ATP23: variants seen among roughly 807,000 people sequenced by gnomAD.
The protein encoded by ATP23 is ATP23 metallopeptidase and ATP synthase assembly factor homolog, also known as mitochondrial inner membrane protease ATP23 homolog.
In ATP23, 24 loss-of-function variants were observed where a neutral mutation model predicts 28.5. The ratio of observed to expected loss-of-function variants is 0.84; its 90% CI spans 0.61 to 1.18. The LOEUF (loss-of-function observed/expected upper bound fraction) is 1.18. Among genes scored for constraint, ATP23 ranks in the 50% most tolerant of loss-of-function variants. The pLI is 0.00. For synonymous variants in ATP23, 99 were observed against 108.6 expected, an observed-to-expected ratio of 0.91 and a Z score of 0.55; for missense variants, 274 against 306.4, an observed-to-expected ratio of 0.89 and a Z score of 0.79.
At chr12:57,949,150 A>G (rs1034508363) in intron 3 of ATP23, among the ~76,000 whole-genome samples, 5 of 152,242 alleles carry the variant, frequency 3.3e-5, no homozygotes. Flanking sequence ...GCACATGTGC[A>G]AGAGTTTCTC....
intron 3 of ATP23, among the ~76,000 whole-genome samples, chr12:57,947,376 G>A (rs970355578): frequency 2.6e-5 from 4 of 152,154 alleles, no homozygotes; most frequent in Non-Finnish European, 5.9e-5. Context: ...CAACAGATTC[G>A]ACTAGAGGAT....
At position 57,957,734 on chromosome 12, in the gene ATP23, G is replaced by T. The variant is rs1956882507; in HGVS notation, c.*844G>T. 6.6e-6 allele frequency among the ~76,000 whole-genome samples: 1 copy of T among 152,198 alleles called. No individual in the cohort carries two copies. Among genetic ancestry groups the T allele is most frequent in the African/African-American group, 2.4e-5 (1 of 41,448 alleles). On this transcript the variant is annotated 3_prime_UTR_variant, in exon 6 of 6. Transcript: ENST00000300145. Reference sequence around the variant, plus strand: ...AGAGCAAGCAGCAGGAAGGCCCAGGGAGCTCGCTGGGTCCCCAAGCAGCCC... The same window carrying T: ...AGAGCAAGCAGCAGGAAGGCCCAGGTAGCTCGCTGGGTCCCCAAGCAGCCC...
At position 57,958,157 on chromosome 12, in the gene ATP23, A is replaced by G. The variant is rs950372332; in HGVS notation, c.*1267A>G. Among the ~76,000 whole-genome samples, 1 of 152,098 alleles carries G rather than the reference A, an allele frequency of 6.6e-6. No homozygotes were observed. Among genetic ancestry groups the G allele is most frequent in the Non-Finnish European group, 1.5e-5 (1 of 68,006 alleles). On this transcript the variant is annotated 3_prime_UTR_variant, in exon 6 of 6. Coordinates refer to ENST00000300145, the MANE Select transcript of ATP23 (RefSeq NM_033276.4). ...CCTGCATGACTCCCCAGAGGCAGTC[A>G]TAATCCTCCTAGGGACACAACTCCA...
At chr12:57,956,106 T>C (rs1410654371) in intron 5 of ATP23, among the ~76,000 whole-genome samples, 1 of 152,216 alleles carries the variant, frequency 6.6e-6, no homozygotes, top group East Asian at 1.9e-4. Context: ...CTTAGAACTT[T>C]AATATCTGTG....
At chr12:57,948,475 G>T (rs1956783332) in intron 3 of ATP23, among the ~76,000 whole-genome samples, 1 of 152,052 alleles carries the variant, frequency 6.6e-6, no homozygotes, top group African/African-American at 2.4e-5. Context: ...TAGAGTCAGG[G>T]TTTCACCATA....
intron 4 of ATP23, among the ~76,000 whole-genome samples, chr12:57,952,149 TC>T (rs1361934251): frequency 6.6e-6 from 1 of 152,102 alleles, no homozygotes; most frequent in Admixed American, 6.6e-5. Context: ...ATTAATTTTT[TC>T]CTATGGAATA....
At chr12:57,951,677 G>T in intron 3 of ATP23, 81 bp from the exon 4 acceptor site, 1 of 1,508,676 alleles carries the variant, frequency 6.6e-7, no homozygotes, top group South Asian at 1.2e-5. Flanking sequence ...GGGGAGAGGT[G>T]AGGTCATGTG....
Position 57,956,980 on chromosome 12 carries a change from C to A in ATP23, c.*90C>A. On this transcript the variant is annotated 3_prime_UTR_variant, in exon 6 of 6. Coordinates refer to ENST00000300145, the MANE Select transcript of ATP23 (RefSeq NM_033276.4). ...AGTGAACAAACATATAAAATGTAAACAATCCCTACAATCCAGATAAAACAG... is the reference window on the plus strand; with the variant it reads ...AGTGAACAAACATATAAAATGTAAAAAATCCCTACAATCCAGATAAAACAG... 6 of 1,000,568 alleles carry A rather than the reference C, an allele frequency of 6.0e-6. No homozygotes were observed. Among genetic ancestry groups the A allele is most frequent in the Non-Finnish European group, 8.4e-6 (6 of 713,248 alleles). The allele number at this position is 1,000,568 out of a possible 1,614,324, so 62.0% of individuals were successfully genotyped here.
At position 57,957,811 on chromosome 12, in the gene ATP23, C is replaced by T. The variant is rs562375047; in HGVS notation, c.*921C>T. On this transcript the variant is annotated 3_prime_UTR_variant, in exon 6 of 6. Coordinates refer to ENST00000300145, the MANE Select transcript of ATP23 (RefSeq NM_033276.4). ...ATTGCAAGGGCAGCCAGAAGAGCAGCGGGTAAAACTCCACAGGGAGAAGGA... is the reference window on the plus strand; with the variant it reads ...ATTGCAAGGGCAGCCAGAAGAGCAGTGGGTAAAACTCCACAGGGAGAAGGA... Among the ~76,000 whole-genome samples the T allele has an allele frequency of 2.6e-4, 39 of 152,306 alleles. No individual in the cohort carries two copies. Among genetic ancestry groups the T allele is most frequent in the Admixed American group, 9.8e-4 (15 of 15,310 alleles).
At position 57,958,161 on chromosome 12, in the gene ATP23, T is replaced by C. The variant is rs1274530580; in HGVS notation, c.*1271T>C. Among the ~76,000 whole-genome samples the C allele has an allele frequency of 6.6e-6, 1 of 152,026 alleles. No homozygotes were observed. Among genetic ancestry groups the C allele is most frequent in the Non-Finnish European group, 1.5e-5 (1 of 67,990 alleles). The stretch of plus-strand genomic sequence containing the variant: ...CATGACTCCCCAGAGGCAGTCATAA[T>C]CCTCCTAGGGACACAACTCCAGTGA... On this transcript the variant is annotated 3_prime_UTR_variant, in exon 6 of 6. Coordinates refer to ENST00000300145, the MANE Select transcript of ATP23 (RefSeq NM_033276.4).
intron 3 of ATP23, chr12:57,949,901 A>G (rs539789516): frequency 2.0e-5 from 3 of 152,384 alleles, no homozygotes; most frequent in Admixed American, 6.5e-5. Context: ...AGTTTTGCAT[A>G]TCTCAGTGGA....
rs1361749650 is a variant in ATP23 at position 57,958,685 on chromosome 12, G to A, written c.*1795G>A. 3.3e-5 allele frequency among the ~76,000 whole-genome samples: 5 copies of A among 152,326 alleles called. No individual in the cohort carries two copies. In the East Asian group the frequency reaches 9.7e-4, roughly 29 times the overall value. ...GGAAGCCACATCCATCGGAAAAGGG[G>A]GAGGGTATACATCAAGGGAACACCC... On this transcript the variant is annotated 3_prime_UTR_variant, in exon 6 of 6. Transcript: ENST00000300145.
chr12:57,941,935 G>C, intron 1 of ATP23, 47 bp downstream of exon 1: 1 of 1,591,988 alleles, frequency 6.3e-7, no homozygotes, highest in Non-Finnish European at 8.6e-7. Flanking sequence ...ATGGGTCTGA[G>C]ACCGGGTGGG....
chr12:57,945,738 T>A, intron 2 of ATP23, 65 bp downstream of exon 2: 2 of 1,449,338 alleles, frequency 1.4e-6, no homozygotes, highest in Non-Finnish European at 1.9e-6. Flanking sequence ...CCAAGTTCTC[T>A]TCTTAAGAGA....
Position 57,947,032 on chromosome 12 carries a change from T to A in ATP23, c.271T>A (p.Cys91Ser), listed in dbSNP as rs190563454. 6.2e-7 allele frequency: 1 copy of A among 1,614,126 alleles called. No individual in the cohort carries two copies. Among genetic ancestry groups the A allele is most frequent in the Admixed American group, 1.7e-5 (1 of 60,006 alleles). The change falls in exon 3 of 6, where the codon TGT (cysteine) becomes AGT (serine). Residue 91 changes from cysteine to serine, a missense_variant. Cys to Ser is a moderately radical substitution (Grantham distance 112). Transcript: ENST00000300145. ...NKDRHFSCED[C>S]NGNVSGGFDA... ...AGATAGACACTTTTCTTGCGAAGAC[T>A]GTAATGGAAATGTCAGTGGAGGTTT...
chr12:57,952,062 T>C (rs1157651505), intron 4 of ATP23, among the ~76,000 whole-genome samples, 167 bp downstream of exon 4: 1 of 152,234 alleles, frequency 6.6e-6, no homozygotes, highest in African/African-American at 2.4e-5. Flanking sequence ...GTTAGAGAAA[T>C]TTAAAGTGTA....
Position 57,941,590 on chromosome 12 carries a change from C to A in ATP23, c.-112C>A. The A allele has an allele frequency of 2.1e-6, 3 of 1,418,438 alleles. No individual in the cohort carries two copies. The highest frequency in any genetic ancestry group is 2.8e-6 in the Non-Finnish European group (3 of 1,069,700). The allele number at this position is 1,418,438 out of a possible 1,614,324, so 87.9% of individuals were successfully genotyped here. ...TCAGCCCAGCCAGGCTGCCCTTCTT[C>A]CCTGCGGAGGGAGGGCCTGGGCGGT... On this transcript the variant is annotated 5_prime_UTR_variant, in exon 1 of 6. Coordinates refer to ENST00000300145, the MANE Select transcript of ATP23 (RefSeq NM_033276.4).
At chr12:57,947,499 G>A (rs1204490946) in intron 3 of ATP23, among the ~76,000 whole-genome samples, 9 of 152,100 alleles carry the variant, frequency 5.9e-5, no homozygotes. Context: ...TAGTTTATCT[G>A]GAGGGCAGGA....
intron 2 of ATP23, 116 bp from the exon 3 acceptor site, chr12:57,946,879 T>C: frequency 4.1e-6 from 3 of 736,374 alleles, no homozygotes; most frequent in Middle Eastern, 2.7e-4. Flanking sequence ...AGATTTCCTA[T>C]GTGTTAGTAG....
Sources: gnomAD v4.1 joint callset for allele counts (sites outside exome capture counted in the v4.1 genomes callset) on GRCh38, gnomAD v4.1.1 for gene constraint, MANE v1.5 for transcripts, NCBI Gene and HGNC (gene_info 2026-07-23, HGNC 2026-07-21) for gene names.